Variants in MEF2C observed in about 807,000 individuals in gnomAD.
The protein encoded by MEF2C is myocyte-specific enhancer factor 2C.
In MEF2C, 6 loss-of-function variants were observed where a neutral mutation model predicts 50.5. The ratio of observed to expected loss-of-function variants is 0.12; its 90% CI spans 0.07 to 0.23. MEF2C has a LOEUF of 0.23. Among genes scored for constraint, MEF2C ranks in the 10% least tolerant of loss-of-function variants. The pLI is 1.00. For synonymous variants in MEF2C, 183 were observed against 228.0 expected, an observed-to-expected ratio of 0.80 and a Z score of 1.78; for missense variants, 276 against 605.0, an observed-to-expected ratio of 0.46 and a Z score of 5.70.
chr5:88,897,417 C>T (rs1354231371), intron 1 of MEF2C, among the ~76,000 whole-genome samples: 1 of 152,188 alleles, frequency 6.6e-6, no homozygotes, highest in Non-Finnish European at 1.5e-5. Context: ...AGCTCTTAAA[C>T]TCCACAGGTC....
chr5:88,892,638 T>G (rs1056490786), intron 1 of MEF2C, among the ~76,000 whole-genome samples: 4 of 152,206 alleles, frequency 2.6e-5, no homozygotes, highest in African/African-American at 9.7e-5. Context: ...CTTATTTCCC[T>G]TTCACTGACA....
At chr5:88,738,375 C>G (rs62377946) in intron 6 of MEF2C, 2 of 985,006 alleles carry the variant, frequency 2.0e-6, no homozygotes, top group Non-Finnish European at 2.4e-6. Context: ...GCACTTGTAA[C>G]TGCTATGTAA....
chr5:88,734,005 T>A (rs1762772263), intron 6 of MEF2C: 16 of 984,748 alleles, frequency 1.6e-5, no homozygotes, highest in Non-Finnish European at 1.9e-5. Flanking sequence ...CATAAAACAA[T>A]GCATTTACTT....
At position 88,752,006 on chromosome 5, in the gene MEF2C, A is replaced by C. The variant is rs1366038563; in HGVS notation, c.440T>G (p.Ile147Ser). ...CAAACTGTTGTGGCTGGACACTGGG[A>C]TGGAGACTGGCATCTCGAAGTTGGG... Reference protein sequence around the residue: ...PPPNFEMPVSIPVSSHNSLVY... With the variant: ...PPPNFEMPVSSPVSSHNSLVY... The change falls in exon 5 of 11, where the codon ATC becomes AGC. Residue 147 changes from isoleucine (I) to serine (S), a missense_variant. This residue lies in a region of MEF2C where 256 missense variants were observed against 468.1 expected (regional missense o/e 0.55). Transcript: ENST00000504921. The C allele has an allele frequency of 3.1e-6, 5 of 1,612,234 alleles. No individual in the cohort carries two copies. Among genetic ancestry groups the C allele is most frequent in the Non-Finnish European group, 4.2e-6 (5 of 1,178,878 alleles).
chr5:88,782,709 C>T (rs1788748522), intron 3 of MEF2C, among the ~76,000 whole-genome samples: 2 of 152,294 alleles, frequency 1.3e-5, no homozygotes, highest in African/African-American at 4.8e-5. Flanking sequence ...CACACATATA[C>T]ATACTTACAA....
At position 88,720,084 on chromosome 5, in the gene MEF2C, T is replaced by C. The variant is rs1755777846; in HGVS notation, c.*2520A>G. The stretch of plus-strand genomic sequence containing the variant: ...ATCTACTGATATTGATATACTAAAG[T>C]ATTTTGAAATGACAAAGAACATTTG... On this transcript the variant is annotated 3_prime_UTR_variant, in exon 11 of 11. Coordinates refer to ENST00000504921, the MANE Select transcript of MEF2C (RefSeq NM_002397.5). 6.6e-6 allele frequency: 1 copy of C among 152,190 alleles called. No individual in the cohort carries two copies. Among genetic ancestry groups the C allele is most frequent in the African/African-American group, 2.4e-5 (1 of 41,452 alleles). The allele number at this position is 152,190 out of a possible 1,614,324, so 9.4% of individuals were successfully genotyped here.
chr5:88,828,808 A>G (rs1811929675), intron 1 of MEF2C, among the ~76,000 whole-genome samples: 3 of 152,036 alleles, frequency 2.0e-5, no homozygotes, highest in Admixed American at 2.0e-4. Flanking sequence ...TCTGAACTTC[A>G]AAAGGTATAA....
At chr5:88,825,795 T>C in intron 1 of MEF2C, 1 of 198,362 alleles carries the variant, frequency 5.0e-6, no homozygotes, top group Non-Finnish European at 9.1e-6. Context: ...AAGCTTTCTC[T>C]ATCACAGAAA....
chr5:88,771,331 C>T (rs572245936), intron 3 of MEF2C: 32 of 646,640 alleles, frequency 4.9e-5, no homozygotes, highest in Non-Finnish European at 6.0e-5. Flanking sequence ...CCATTCCATC[C>T]TTCCTAGAAT....
chr5:88,752,137 C>CTA, intron 4 of MEF2C, 94 bp from the exon 5 acceptor site: 1 of 1,165,256 alleles, frequency 8.6e-7, no homozygotes, highest in South Asian at 1.8e-5. Flanking sequence ...AAGAAAAATT[C>CTA]TACATTCCAA....
Position 88,799,299 on chromosome 5 carries a change from GC to G in MEF2C, c.258+5298del, listed in dbSNP as rs570617860. ...AGGGAGATGGGAGTTTTATCTATAA[GC>G]CCCTGACTGGGGCTGCTTCCTTTCT... is the stretch of plus-strand genomic sequence containing the variant. On this transcript the variant is annotated intron_variant, in intron 3 of 10. Transcript: ENST00000504921. Among the ~76,000 whole-genome samples the G allele has an allele frequency of 3.7e-3, 569 of 152,320 alleles. 6 individuals carry two copies. Among genetic ancestry groups the G allele is most frequent in the Non-Finnish European group, 4.0e-3 (272 of 68,022 alleles).
intron 3 of MEF2C, among the ~76,000 whole-genome samples, chr5:88,778,832 C>G (rs1374380039): frequency 6.6e-6 from 1 of 152,206 alleles, no homozygotes; most frequent in Non-Finnish European, 1.5e-5. Flanking sequence ...AGAAGAGCTT[C>G]AAGAACCACA....
At chr5:88,885,254 A>C (rs1273546053), upstream of MEF2C, among the ~76,000 whole-genome samples, 1 of 152,206 alleles carries the variant, frequency 6.6e-6, no homozygotes, top group Non-Finnish European at 1.5e-5. Flanking sequence ...TGATGTGAGT[A>C]GCTTCTCTCA....
upstream of MEF2C, chr5:88,883,239 GGGGAGCGCGCGCGA>G (rs1208137185): frequency 4.6e-4 from 66 of 144,138 alleles, no homozygotes; most frequent in African/African-American, 1.3e-3. Flanking sequence ...GCGCGCGCGA[GGGGAGCGCGCGCGA>G]GGGGGGGGGC....
intron 1 of MEF2C, chr5:88,838,669 C>G (rs1184083811): frequency 1.0e-6 from 1 of 985,146 alleles, no homozygotes; most frequent in Non-Finnish European, 1.2e-6. Context: ...CTAAAACACA[C>G]CTAACCAGCT....
chr5:88,762,703 T>C (rs781321201), intron 3 of MEF2C, among the ~76,000 whole-genome samples: 8 of 152,190 alleles, frequency 5.3e-5, no homozygotes, highest in Non-Finnish European at 1.2e-4. Flanking sequence ...TAATTATTAA[T>C]AGACTAGCAA....
chr5:88,733,192 A>G (rs1337681489), intron 6 of MEF2C: 1 of 985,202 alleles, frequency 1.0e-6, no homozygotes, highest in East Asian at 1.1e-4. Context: ...GAGGGCCTTA[A>G]AGAAAGGCCA....
chr5:88,886,411 T>C (rs1406546262), upstream of MEF2C, among the ~76,000 whole-genome samples: 1 of 152,196 alleles, frequency 6.6e-6, no homozygotes, highest in Non-Finnish European at 1.5e-5. Flanking sequence ...GAGGAGCTTG[T>C]ACTAGGTGTC....
chr5:88,735,644 G>T (rs1339526821), intron 6 of MEF2C: 18 of 984,206 alleles, frequency 1.8e-5, no homozygotes, highest in Non-Finnish European at 2.1e-5. Flanking sequence ...TTACAAGTTT[G>T]TATATACTCA....
Sources: allele counts gnomAD v4.1 joint callset (sites outside exome capture counted in the v4.1 genomes callset), GRCh38; gene constraint gnomAD v4.1.1; regional missense constraint gnomAD v4.1.1; transcripts MANE v1.5; gene names NCBI Gene and HGNC (gene_info 2026-07-23, HGNC 2026-07-21).